The following KCND2 variants were observed in gnomAD, a reference collection of about 807,000 sequenced individuals.
The protein encoded by KCND2 is A-type voltage-gated potassium channel KCND2.
KCND2 carries 16 observed loss-of-function variants against 54.4 expected under a neutral mutation model. The observed-to-expected ratio is 0.29, with a 90% confidence interval of 0.20 to 0.45. The LOEUF (loss-of-function observed/expected upper bound fraction) is 0.45, where lower values mean the gene tolerates loss of function less well. KCND2 is among the 20% of genes least tolerant of loss of function. The pLI, the probability that KCND2 is intolerant of heterozygous loss-of-function variation, is 1.00. For missense variants in KCND2, 486 were observed against 824.2 expected (o/e 0.59, Z 5.02); for synonymous variants, 317 against 310.7 (o/e 1.02, Z -0.21).
chr7:120,564,200 G>T (rs1792270098), intron 1 of KCND2, among the ~76,000 whole-genome samples: 1 of 152,136 alleles, frequency 6.6e-6, no homozygotes, highest in East Asian at 1.9e-4. Context: ...TTTAATATAT[G>T]CTATATTGTT....
chr7:120,480,844 A>G (rs1363654995), intron 1 of KCND2, among the ~76,000 whole-genome samples: 1 of 152,184 alleles, frequency 6.6e-6, no homozygotes, highest in African/African-American at 2.4e-5. Context: ...ATCGGTACCA[A>G]GAAGTGGGGC....
intron 1 of KCND2, among the ~76,000 whole-genome samples, chr7:120,526,676 T>C (rs1791780812): frequency 6.6e-6 from 1 of 152,170 alleles, no homozygotes; most frequent in South Asian, 2.1e-4. Flanking sequence ...AATGATTTAA[T>C]TTCATTATTA....
At position 120,352,479 on chromosome 7, in the gene KCND2, C is replaced by T. The variant is rs991595258; in HGVS notation, c.1115+76732C>T. 5.9e-5 allele frequency among the ~76,000 whole-genome samples: 9 copies of T among 151,544 alleles called. No individual in the cohort carries two copies. In the East Asian group the frequency reaches 1.4e-3, roughly 23 times the overall value. On this transcript the variant is annotated intron_variant, in intron 1 of 5. Transcript: ENST00000331113. ...ATACATACACACACACACACACACA[C>T]ACACACACACACACACACAACATTC...
chr7:120,276,188 A>G (rs921263722), intron 1 of KCND2, among the ~76,000 whole-genome samples: 1 of 152,192 alleles, frequency 6.6e-6, no homozygotes, highest in African/African-American at 2.4e-5. Flanking sequence ...ATGAATAGAT[A>G]CTTATGGTGT....
chr7:120,423,490 T>C (rs1037945817), intron 1 of KCND2, among the ~76,000 whole-genome samples: 5 of 152,238 alleles, frequency 3.3e-5, no homozygotes, highest in Non-Finnish European at 7.3e-5. Context: ...AGTAAGAGCA[T>C]GCTGCCCTCT....
chr7:120,293,220 G>C (rs1174557524), intron 1 of KCND2, among the ~76,000 whole-genome samples: 1 of 151,788 alleles, frequency 6.6e-6, no homozygotes, highest in East Asian at 1.9e-4. Context: ...CCATTAGTCT[G>C]TTTAATTGGA....
chr7:120,557,292 A>G (rs1049655326), intron 1 of KCND2, among the ~76,000 whole-genome samples: 1 of 152,130 alleles, frequency 6.6e-6, no homozygotes, highest in African/African-American at 2.4e-5. Flanking sequence ...TACAAACATT[A>G]TAATTCATCT....
intron 1 of KCND2, among the ~76,000 whole-genome samples, chr7:120,354,783 AAAG>A (rs1050971189): frequency 6.6e-6 from 1 of 152,136 alleles, no homozygotes; most frequent in African/African-American, 2.4e-5. Context: ...AAAGAAAAGA[AAAG>A]AAAAGCAAAG....
intron 2 of KCND2, among the ~76,000 whole-genome samples, chr7:120,735,640 A>T (rs1792860825): frequency 6.6e-6 from 1 of 152,122 alleles, no homozygotes; most frequent in Non-Finnish European, 1.5e-5. Context: ...AATCAAAAGT[A>T]AATAATGTGA....
chr7:120,369,495 A>T (rs1292479174), intron 1 of KCND2, among the ~76,000 whole-genome samples: 1 of 152,100 alleles, frequency 6.6e-6, no homozygotes, highest in Non-Finnish European at 1.5e-5. Context: ...ATCTAAACAA[A>T]GCCGCAGTCT....
At chr7:120,455,086 A>C (rs1200077995) in intron 1 of KCND2, among the ~76,000 whole-genome samples, 1 of 152,174 alleles carries the variant, frequency 6.6e-6, no homozygotes, top group Non-Finnish European at 1.5e-5. Context: ...AAGAATCAGG[A>C]TTGTTAAAAT....
intron 1 of KCND2, among the ~76,000 whole-genome samples, chr7:120,647,825 A>G (rs1793461156): frequency 6.6e-6 from 1 of 152,224 alleles, no homozygotes; most frequent in South Asian, 2.1e-4. Context: ...AGCTACTCTA[A>G]AATGTTAATA....
At position 120,352,549 on chromosome 7, in the gene KCND2, A is replaced by G. The variant is rs528801885; in HGVS notation, c.1115+76802A>G. Among the ~76,000 whole-genome samples the G allele has an allele frequency of 3.3e-5, 5 of 151,768 alleles. No individual in the cohort carries two copies. In the East Asian group the frequency reaches 9.7e-4, roughly 29 times the overall value. On this transcript the variant is annotated intron_variant, in intron 1 of 5. Coordinates refer to ENST00000331113, the MANE Select transcript of KCND2 (RefSeq NM_012281.3). ...TTCATGAATTTTATAGAGCATCCCT[A>G]TCCTTCATAAAGCCTACTTATGGGA...
At chr7:120,376,713 A>G (rs966428306) in intron 1 of KCND2, among the ~76,000 whole-genome samples, 2 of 151,904 alleles carry the variant, frequency 1.3e-5, no homozygotes, top group Non-Finnish European at 1.5e-5. Context: ...AGCTAATTCT[A>G]CTTTTCAAGA....
intron 1 of KCND2, among the ~76,000 whole-genome samples, chr7:120,581,590 C>T (rs1175240731): frequency 6.6e-6 from 1 of 152,158 alleles, no homozygotes; most frequent in Non-Finnish European, 1.5e-5. Context: ...AGCAATCTTC[C>T]ACCTACATTA....
chr7:120,591,618 A>T (rs1271900350), intron 1 of KCND2, among the ~76,000 whole-genome samples: 1 of 152,228 alleles, frequency 6.6e-6, no homozygotes, highest in Non-Finnish European at 1.5e-5. Flanking sequence ...AACCATGCTC[A>T]ACCTTATACT....
At chr7:120,448,616 A>T (rs1054968171) in intron 1 of KCND2, among the ~76,000 whole-genome samples, 2 of 146,910 alleles carry the variant, frequency 1.4e-5, no homozygotes, top group South Asian at 4.3e-4. Flanking sequence ...GAGACACAAT[A>T]AAAAAAAAAG....
intron 1 of KCND2, among the ~76,000 whole-genome samples, chr7:120,607,030 T>C (rs1792890270): frequency 6.6e-6 from 1 of 152,136 alleles, no homozygotes; most frequent in African/African-American, 2.4e-5. Context: ...GTGACTGATT[T>C]TCATGTTAAA....
intron 1 of KCND2, among the ~76,000 whole-genome samples, chr7:120,295,377 C>G (rs901879380): frequency 7.0e-6 from 1 of 142,720 alleles, no homozygotes; most frequent in Non-Finnish European, 1.5e-5. Context: ...CACACACACA[C>G]ACACACACAC....
Sources: gnomAD v4.1 joint callset for allele counts (sites outside exome capture counted in the v4.1 genomes callset) on GRCh38, gnomAD v4.1.1 for gene constraint, MANE v1.5 for transcripts, NCBI Gene and HGNC (gene_info 2026-07-23, HGNC 2026-07-21) for gene names.